The following FAM81B variants were observed in gnomAD, a reference collection of about 807,000 sequenced individuals.
FAM81B encodes the protein family with sequence similarity 81 member B.
FAM81B carries 60 observed loss-of-function variants against 58.7 expected under a neutral mutation model. That is an observed-to-expected ratio of 1.02 (90% CI 0.83 to 1.27). The LOEUF (loss-of-function observed/expected upper bound fraction) is 1.27. FAM81B is among the 50% of genes most tolerant of loss of function. The pLI, the probability that FAM81B is intolerant of heterozygous loss-of-function variation, is 0.00. For synonymous variants in FAM81B, 189 were observed against 179.6 expected (o/e 1.05, Z -0.42); for missense variants, 491 against 522.0 (o/e 0.94, Z 0.58).
intron 6 of FAM81B, among the ~76,000 whole-genome samples, chr5:95,433,758 C>G (rs1582820564): frequency 6.6e-6 from 1 of 152,200 alleles, no homozygotes; most frequent in East Asian, 1.9e-4. Context: ...ATCTTCTGAT[C>G]CTTACTTATT....
intron 4 of FAM81B, among the ~76,000 whole-genome samples, chr5:95,418,913 G>A (rs1366657288): frequency 6.6e-6 from 1 of 152,012 alleles, no homozygotes; most frequent in Non-Finnish European, 1.5e-5. Context: ...CAGCCCACTT[G>A]TGAAATTACT....
intron 3 of FAM81B, among the ~76,000 whole-genome samples, chr5:95,409,549 T>C (rs1243960559): frequency 6.6e-6 from 1 of 151,464 alleles, no homozygotes; most frequent in Non-Finnish European, 1.5e-5. Context: ...TTTTGAGCAG[T>C]TTTATAAAGA....
chr5:95,413,293 C>T (rs1322264974), intron 3 of FAM81B, among the ~76,000 whole-genome samples: 1 of 152,158 alleles, frequency 6.6e-6, no homozygotes, highest in Non-Finnish European at 1.5e-5. Flanking sequence ...TCACAAGATA[C>T]ACTGCTACAC....
rs1745572686 is a variant in FAM81B at position 95,446,613 on chromosome 5, A to C, written c.945A>C (p.Lys315Asn). 1 of 1,612,882 alleles carries C rather than the reference A, an allele frequency of 6.2e-7. No homozygotes were observed. The highest frequency in any genetic ancestry group is 2.2e-5 in the East Asian group (1 of 44,856). The change falls in exon 8 of 10, where the codon AAA becomes AAC. Residue 315 changes from lysine to asparagine, a missense_variant. By Grantham distance (94) the Lys-to-Asn change is moderately conservative. Transcript: ENST00000283357. ...ACGAAGAAGTTGAGAATAATAAAAA[A>C]TGGACAGAAAACCAATTTCTCAAAT... ...NLYEEVENNK[K>N]WTENQFLKYR...
At chr5:95,436,765 G>C (rs750624773) in intron 6 of FAM81B, 35 bp from the exon 7 acceptor site, 7 of 1,377,066 alleles carry the variant, frequency 5.1e-6, no homozygotes, top group Admixed American at 5.0e-5. Flanking sequence ...TGGTGGTTTT[G>C]TTCATATGCA....
At chr5:95,392,766 G>A (rs1451031737) in intron 1 of FAM81B, 28 bp from the exon 2 acceptor site, 6 of 1,579,232 alleles carry the variant, frequency 3.8e-6, no homozygotes, top group Non-Finnish European at 5.2e-6. Context: ...CATAGTTCCT[G>A]ACCTGATTCA....
At position 95,398,275 on chromosome 5, in the gene FAM81B, C is replaced by T. The variant is rs898056905; in HGVS notation, c.293+2100C>T. Among the ~76,000 whole-genome samples the T allele has an allele frequency of 3.9e-5, 6 of 151,968 alleles. No homozygotes were observed. In the South Asian group the frequency reaches 6.3e-4, roughly 16 times the overall value. On this transcript the variant is annotated intron_variant, in intron 3 of 9. Coordinates refer to ENST00000283357, the MANE Select transcript of FAM81B (RefSeq NM_152548.3). ...CTCTACTAAATATACAAAAATTAGC[C>T]GGGCATGGTGGCGTGCACCTGTAAT...
chr5:95,432,256 T>A (rs1225523859), intron 6 of FAM81B, among the ~76,000 whole-genome samples: 1 of 152,128 alleles, frequency 6.6e-6, no homozygotes, highest in Non-Finnish European at 1.5e-5. Context: ...CTCATTATGA[T>A]GTATTTTGTT....
At chr5:95,400,642 T>A (rs1762088018) in intron 3 of FAM81B, among the ~76,000 whole-genome samples, 1 of 152,150 alleles carries the variant, frequency 6.6e-6, no homozygotes, top group African/African-American at 2.4e-5. Flanking sequence ...CATAACAATA[T>A]TTAATAATTA....
chr5:95,422,679 T>C (rs1762718590), intron 5 of FAM81B, among the ~76,000 whole-genome samples: 2 of 152,176 alleles, frequency 1.3e-5, no homozygotes, highest in Admixed American at 1.3e-4. Flanking sequence ...GAAATATAAT[T>C]TGGTTCAATT....
intron 4 of FAM81B, among the ~76,000 whole-genome samples, chr5:95,415,163 T>C (rs1325405376): frequency 6.6e-6 from 1 of 152,170 alleles, no homozygotes; most frequent in Non-Finnish European, 1.5e-5. Context: ...CGAGAGTTGC[T>C]AGGGTGCAGA....
intron 7 of FAM81B, among the ~76,000 whole-genome samples, chr5:95,446,048 C>T (rs1446807400): frequency 6.6e-6 from 1 of 152,192 alleles, no homozygotes; most frequent in Non-Finnish European, 1.5e-5. Context: ...TAACCGTACT[C>T]ATTTCTTTAC....
intron 5 of FAM81B, among the ~76,000 whole-genome samples, chr5:95,428,341 C>G (rs1354350215): frequency 6.6e-6 from 1 of 152,124 alleles, no homozygotes; most frequent in African/African-American, 2.4e-5. Context: ...TAAAAATTCC[C>G]TCAATTTACC....
At position 95,429,910 on chromosome 5, in the gene FAM81B, T is replaced by C. The variant is rs76111089; in HGVS notation, c.786+1178T>C. 7.5e-3 allele frequency among the ~76,000 whole-genome samples: 1,148 copies of C among 152,296 alleles called. 16 individuals are homozygous for C. The highest frequency in any genetic ancestry group is 0.026 in the African/African-American group (1,078 of 41,564). On this transcript the variant is annotated intron_variant, in intron 6 of 9. Coordinates refer to ENST00000283357, the MANE Select transcript of FAM81B (RefSeq NM_152548.3). ...TTTTATCAGGATGGAATATCTACTTTAATCAAATGCCTTTTAGATATCAAC... is the reference window on the plus strand; with the variant it reads ...TTTTATCAGGATGGAATATCTACTTCAATCAAATGCCTTTTAGATATCAAC...
At chr5:95,429,006 T>C (rs1464968344) in intron 6 of FAM81B, among the ~76,000 whole-genome samples, 1 of 152,182 alleles carries the variant, frequency 6.6e-6, no homozygotes, top group African/African-American at 2.4e-5. Flanking sequence ...TCTCTGGAAG[T>C]AGTAAAATTA....
At position 95,400,764 on chromosome 5, in the gene FAM81B, G is replaced by A. The variant is rs575521207; in HGVS notation, c.293+4589G>A. Among the ~76,000 whole-genome samples the A allele has an allele frequency of 7.4e-4, 113 of 152,206 alleles. 3 individuals carry two copies. The highest frequency in any genetic ancestry group is 2.5e-3 in the African/African-American group (103 of 41,526). ...ACTTGATCTCGTCAGCCAGGTGGGAGGGTCAGGAGTCCCTCTCTCCACAGA... is the reference window on the plus strand; with the variant it reads ...ACTTGATCTCGTCAGCCAGGTGGGAAGGTCAGGAGTCCCTCTCTCCACAGA... On this transcript the variant is annotated intron_variant, in intron 3 of 9. Coordinates refer to ENST00000283357, the MANE Select transcript of FAM81B (RefSeq NM_152548.3).
At chr5:95,422,998 C>T (rs6869475) in intron 5 of FAM81B, among the ~76,000 whole-genome samples, 1 of 151,916 alleles carries the variant, frequency 6.6e-6, no homozygotes, top group Non-Finnish European at 1.5e-5. Flanking sequence ...ATTTGGCTAA[C>T]GGCCATGAGA....
intron 6 of FAM81B, among the ~76,000 whole-genome samples, chr5:95,432,415 T>C (rs1430007132): frequency 2.0e-5 from 3 of 152,112 alleles, no homozygotes; most frequent in Non-Finnish European, 4.4e-5. Flanking sequence ...AGTTTTCTTA[T>C]TTTTCTATGT....
chr5:95,447,950 G>A (rs1450292506), intron 8 of FAM81B, among the ~76,000 whole-genome samples: 1 of 152,084 alleles, frequency 6.6e-6, no homozygotes, highest in Non-Finnish European at 1.5e-5. Flanking sequence ...GAAATTGAGG[G>A]AGTATGTCCA....
Sources: gnomAD v4.1 joint callset for allele counts (sites outside exome capture counted in the v4.1 genomes callset) on GRCh38, gnomAD v4.1.1 for gene constraint, MANE v1.5 for transcripts, NCBI Gene and HGNC (gene_info 2026-07-23, HGNC 2026-07-21) for gene names.